Variants in SPRED2 observed in about 807,000 individuals in gnomAD.
The protein encoded by SPRED2 is sprouty-related, EVH1 domain-containing protein 2.
In SPRED2, 47 loss-of-function variants were observed where a neutral mutation model predicts 43.0. That is an observed-to-expected ratio of 1.09 (90% CI 0.87 to 1.40). The LOEUF (loss-of-function observed/expected upper bound fraction) is 1.40. Ranked by LOEUF, SPRED2 falls within the 40% of genes most tolerant of loss-of-function variation. The pLI is 0.00. For missense variants in SPRED2, 561 were observed against 586.4 expected (o/e 0.96, Z 0.45); for synonymous variants, 225 against 225.7 (o/e 1.00, Z 0.03).
intron 4 of SPRED2, among the ~76,000 whole-genome samples, chr2:65,318,570 A>G (rs1468686142): frequency 6.6e-6 from 1 of 152,070 alleles, no homozygotes; most frequent in Non-Finnish European, 1.5e-5. Flanking sequence ...TCTGATCTCT[A>G]GATGCTCTCT....
intron 1 of SPRED2, among the ~76,000 whole-genome samples, chr2:65,396,462 C>T (rs1480477420): frequency 2.0e-5 from 3 of 152,196 alleles, no homozygotes; most frequent in African/African-American, 7.2e-5. Context: ...ACAGGCCCCA[C>T]GTCTGATTCA....
intron 1 of SPRED2, among the ~76,000 whole-genome samples, chr2:65,423,980 G>T (rs752848924): frequency 3.3e-5 from 5 of 152,038 alleles, no homozygotes; most frequent in Admixed American, 6.5e-5. Flanking sequence ...GTAGAGATGG[G>T]GTTTCTCCAT....
intron 1 of SPRED2, among the ~76,000 whole-genome samples, chr2:65,426,852 C>T (rs1012751977): frequency 2.0e-5 from 3 of 152,180 alleles, no homozygotes; most frequent in Non-Finnish European, 2.9e-5. Flanking sequence ...GACAGGAAAG[C>T]AGAGGGGACC....
At chr2:65,408,793 C>A (rs1229045508) in intron 1 of SPRED2, among the ~76,000 whole-genome samples, 2 of 152,122 alleles carry the variant, frequency 1.3e-5, no homozygotes, top group Non-Finnish European at 2.9e-5. Context: ...ACTGGCCAGG[C>A]TGGTCTTGAA....
chr2:65,367,931 G>A (rs1329627676), intron 1 of SPRED2, among the ~76,000 whole-genome samples: 2 of 152,162 alleles, frequency 1.3e-5, no homozygotes, highest in East Asian at 3.8e-4. Flanking sequence ...ACCATCTGGA[G>A]GAGGAAGAGC....
At chr2:65,420,195 G>A (rs1418318512) in intron 1 of SPRED2, among the ~76,000 whole-genome samples, 2 of 122,482 alleles carry the variant, frequency 1.6e-5, no homozygotes, top group Non-Finnish European at 3.1e-5. Flanking sequence ...GGGCAACAGA[G>A]CAAGACTCTG....
intron 1 of SPRED2, among the ~76,000 whole-genome samples, chr2:65,369,268 T>C (rs780928173): frequency 2.4e-5 from 2 of 83,192 alleles, no homozygotes; most frequent in Non-Finnish European, 6.1e-5. Context: ...TACATACACA[T>C]ACACACACAC....
intron 1 of SPRED2, among the ~76,000 whole-genome samples, chr2:65,390,540 G>A (rs1019047668): frequency 1.3e-5 from 2 of 152,182 alleles, no homozygotes; most frequent in African/African-American, 2.4e-5. Flanking sequence ...CTCTGGATCC[G>A]AACTGCCTGA....
intron 4 of SPRED2, among the ~76,000 whole-genome samples, chr2:65,330,842 A>T (rs1365607003): frequency 1.3e-5 from 2 of 152,234 alleles, no homozygotes; most frequent in Non-Finnish European, 2.9e-5. Flanking sequence ...GTGTGTGTAT[A>T]AGCTCACACG....
Position 65,327,176 on chromosome 2 carries a change from G to A in SPRED2, c.438+4811C>T, listed in dbSNP as rs1206254542. ...CGGCCTCTAAATTTTAAAGTTAGATGATATGTTGATATGAAAGAAAAGGAC... is the reference window on the plus strand; with the variant it reads ...CGGCCTCTAAATTTTAAAGTTAGATAATATGTTGATATGAAAGAAAAGGAC... On this transcript the variant is annotated intron_variant, in intron 4 of 5. Coordinates refer to ENST00000356388, the MANE Select transcript of SPRED2 (RefSeq NM_181784.3). Among the ~76,000 whole-genome samples, 4 of 152,218 alleles carry A rather than the reference G, an allele frequency of 2.6e-5. No individual in the cohort carries two copies. The East Asian group carries it at 7.7e-4, about 29-fold the overall frequency.
At chr2:65,363,141 A>G (rs555140177) in intron 1 of SPRED2, among the ~76,000 whole-genome samples, 14 of 145,410 alleles carry the variant, frequency 9.6e-5, no homozygotes, top group African/African-American at 3.6e-4. Context: ...TCGGAGGCTG[A>G]GGCAGGAGAA....
chr2:65,410,616 G>A (rs953525203), intron 1 of SPRED2, among the ~76,000 whole-genome samples: 13 of 151,836 alleles, frequency 8.6e-5, no homozygotes, highest in South Asian at 4.2e-4. Context: ...AAAATTAGCC[G>A]GGCGTGGTGG....
chr2:65,332,042 G>C lies in SPRED2; in HGVS notation c.383C>G (p.Thr128Arg). ...TTCATTATGGATGGTGGAAGATGACGTTGTTGAACCTAAAAAGACAAAAAT... is the reference window on the plus strand; with the variant it reads ...TTCATTATGGATGGTGGAAGATGACCTTGTTGAACCTAAAAAGACAAAAAT... ...AIEDLIEGST[T>R]SSSTIHNEAE... The change falls in exon 4 of 6, where the codon ACG becomes AGG. Residue 128 changes from threonine to arginine, a missense_variant. This residue lies in a region of SPRED2 where 305 missense variants were observed against 282.4 expected (regional missense o/e 1.08). Coordinates refer to ENST00000356388, the MANE Select transcript of SPRED2 (RefSeq NM_181784.3). The C allele has an allele frequency of 1.9e-6, 3 of 1,606,534 alleles. No individual in the cohort carries two copies. Among genetic ancestry groups the C allele is most frequent in the Non-Finnish European group, 2.6e-6 (3 of 1,175,334 alleles).
At chr2:65,372,261 G>T (rs1203372182) in intron 1 of SPRED2, among the ~76,000 whole-genome samples, 1 of 152,142 alleles carries the variant, frequency 6.6e-6, no homozygotes, top group Non-Finnish European at 1.5e-5. Context: ...ACTGTGTGGA[G>T]GGAAAATCAG....
chr2:65,316,234 G>A (rs560847264), intron 5 of SPRED2, among the ~76,000 whole-genome samples: 28 of 152,316 alleles, frequency 1.8e-4, no homozygotes, highest in African/African-American at 6.3e-4. Flanking sequence ...AGCTACATCC[G>A]CCTGAGCAAG....
intron 1 of SPRED2, among the ~76,000 whole-genome samples, chr2:65,422,102 ACACTCT>A (rs1238530601): frequency 2.0e-3 from 204 of 104,196 alleles, no homozygotes; most frequent in Middle Eastern, 0.015. Flanking sequence ...ACACACACAC[ACACTCT>A]CTCTCTCTCT....
intron 1 of SPRED2, among the ~76,000 whole-genome samples, chr2:65,384,444 C>G (rs1050728065): frequency 3.3e-5 from 5 of 152,114 alleles, no homozygotes; most frequent in African/African-American, 1.2e-4. Flanking sequence ...GGGCCTGGTA[C>G]AAAATGAAAA....
intron 1 of SPRED2, among the ~76,000 whole-genome samples, chr2:65,420,520 G>A (rs1676399286): frequency 1.3e-5 from 2 of 152,222 alleles, no homozygotes; most frequent in Admixed American, 1.3e-4. Context: ...GCACTGACAA[G>A]TGATGGATAA....
At chr2:65,406,403 C>A (rs897246927) in intron 1 of SPRED2, among the ~76,000 whole-genome samples, 2 of 152,174 alleles carry the variant, frequency 1.3e-5, no homozygotes, top group Non-Finnish European at 2.9e-5. Context: ...CCCTTCCCCC[C>A]AAATCAAAGA....
Sources: allele counts gnomAD v4.1 joint callset (sites outside exome capture counted in the v4.1 genomes callset), GRCh38; gene constraint gnomAD v4.1.1; regional missense constraint gnomAD v4.1.1; transcripts MANE v1.5; gene names NCBI Gene and HGNC (gene_info 2026-07-23, HGNC 2026-07-21).